Variants in IFT172 observed in about 807,000 individuals in gnomAD.
IFT172 encodes intraflagellar transport 172, also known as intraflagellar transport protein 172 homolog.
Under a neutral mutation model 248.9 loss-of-function variants are expected in IFT172, and 164 were observed. The observed-to-expected ratio is 0.66, with a 90% CI of 0.58 to 0.75. IFT172 has a LOEUF of 0.75. Among genes scored for constraint, IFT172 ranks in the 30% least tolerant of loss-of-function variants. The pLI is 0.00. For synonymous variants in IFT172, 729 were observed against 791.6 expected (o/e 0.92, Z 1.33); for missense variants, 1,950 against 2,192.4 (o/e 0.89, Z 2.21).
chr2:27,447,377 G>C, intron 42 of IFT172, 138 bp downstream of exon 42: 3 of 1,309,884 alleles, frequency 2.3e-6, no homozygotes, highest in Non-Finnish European at 2.1e-6. Flanking sequence ...GATTTGTTTA[G>C]ACAGAAGAGA....
At position 27,463,109 on chromosome 2, in the gene IFT172, T is replaced by C. The variant is rs369998345; in HGVS notation, c.2010A>G (p.Val670=). 1.9e-6 allele frequency: 3 copies of C among 1,614,028 alleles called. No homozygotes were observed. Among genetic ancestry groups the C allele is most frequent in the Admixed American group, 1.7e-5 (1 of 60,022 alleles). ...LHETNEIADQ[V]SREYGGEGTD... ...GCATAATACTTGCATATTCCCGGGA[T>C]ACTTGATCTGCAATCTCATTGGTCT... Residue 670 remains valine (V), a synonymous_variant, in exon 19 of 48, where the codon GTA becomes GTG. Transcript: ENST00000260570.
At chr2:27,463,070 A>AGAAT (rs1666803263) in intron 19 of IFT172, 27 bp downstream of exon 19, 1 of 1,607,286 alleles carries the variant, frequency 6.2e-7, no homozygotes, top group African/African-American at 1.3e-5. Context: ...GGAGACAGAC[A>AGAAT]GAATGAATCA....
chr2:27,455,298 C>T (rs779406283), intron 30 of IFT172: 71 of 328,854 alleles, frequency 2.2e-4, no homozygotes, highest in Non-Finnish European at 3.9e-4. Context: ...GGTAAATTGG[C>T]GATTTTGAAA....
chr2:27,447,616 A>G lies in IFT172; in HGVS notation c.4558T>C (p.Ser1520Pro). 1 of 1,614,110 alleles carries G rather than the reference A, an allele frequency of 6.2e-7. No individual in the cohort carries two copies. ...TGGGCTGGAGAGTTTGCCTCACTGGACTTCACCAGGTTTTCACACTAGAGG... is the reference window on the plus strand; with the variant it reads ...TGGGCTGGAGAGTTTGCCTCACTGGGCTTCACCAGGTTTTCACACTAGAGG... ...LFNLCENLVK[S>P]SEANSPAHEE... Residue 1520 changes from serine (S) to proline (P), a missense_variant, in exon 42 of 48, where the codon TCC becomes CCC. By Grantham distance (74) the Ser-to-Pro change is moderately conservative. Coordinates refer to ENST00000260570, the MANE Select transcript of IFT172 (RefSeq NM_015662.3).
At chr2:27,461,604 G>A in intron 21 of IFT172, 87 bp from the exon 22 acceptor site, 1 of 1,540,422 alleles carries the variant, frequency 6.5e-7, no homozygotes, top group South Asian at 1.2e-5. Flanking sequence ...CTATAACAAG[G>A]GGAATCCTCC....
chr2:27,473,798 CT>C (rs902652066), intron 14 of IFT172, among the ~76,000 whole-genome samples: 15 of 151,918 alleles, frequency 9.9e-5, no homozygotes, highest in Admixed American at 6.6e-4. Context: ...AAGAGAAGAA[CT>C]TTTTTATTTT....
chr2:27,485,315 C>T (rs529798389), intron 2 of IFT172, 45 bp downstream of exon 2: 7 of 1,610,934 alleles, frequency 4.3e-6, no homozygotes, highest in Non-Finnish European at 5.9e-6. Context: ...AGTTGTGAGA[C>T]CCCATCAATA....
Position 27,472,273 on chromosome 2 carries a change from G to A in IFT172, c.1501C>T (p.Leu501Phe). The change falls in exon 15 of 48, where the codon CTC becomes TTC. Residue 501 changes from leucine (L) to phenylalanine (F), a missense_variant. Coordinates refer to ENST00000260570, the MANE Select transcript of IFT172 (RefSeq NM_015662.3). Reference protein sequence around the residue: ...LELNETGHKLLFRDRKLRLHL... With the variant: ...LELNETGHKLFFRDRKLRLHL... ...ACACGAAGTTTCCGGTCCCTGAAGA[G>A]GAGCTTGTGTCCAGTCTCATTAAGT... The A allele has an allele frequency of 6.2e-7, 1 of 1,614,020 alleles. No homozygotes were observed. The highest frequency in any genetic ancestry group is 8.5e-7 in the Non-Finnish European group (1 of 1,179,884).
rs759780806 is a variant in IFT172 at position 27,465,458 on chromosome 2, G to A, written c.1890C>T (p.Thr630=). 3 of 1,614,094 alleles carry A rather than the reference G, an allele frequency of 1.9e-6. No individual in the cohort carries two copies. In the Admixed American group the frequency reaches 5.0e-5, roughly 27 times the overall value. The change falls in exon 18 of 48, where the codon ACC becomes ACT. Residue 630 remains threonine (T), a synonymous_variant. Transcript: ENST00000260570. ...MTPETEAMWK[T]LSKLALEARQ... ...TTGCCTCTAGTGCCAGTTTACTCAA[G>A]GTTTTCCACATTGCCTCTGTTTCTG...
At position 27,477,206 on chromosome 2, in the gene IFT172, T is replaced by C. The variant is rs767955758; in HGVS notation, c.1325+11A>G. 6.2e-6 allele frequency: 10 copies of C among 1,604,840 alleles called. No individual in the cohort carries two copies. In the African/African-American group the frequency reaches 9.4e-5, roughly 15 times the overall value. ...TGGGTTTCAGGGATTCAGAGAATCT[T>C]GTGAGGTTACCTGATGAGGTGGGGG... is the stretch of plus-strand genomic sequence containing the variant. On this transcript the variant is annotated intron_variant, in intron 13 of 47. Coordinates refer to ENST00000260570, the MANE Select transcript of IFT172 (RefSeq NM_015662.3).
chr2:27,450,233 C>T, intron 35 of IFT172, 137 bp from the exon 36 acceptor site: 2 of 631,024 alleles, frequency 3.2e-6, no homozygotes, highest in Non-Finnish European at 5.6e-6. Flanking sequence ...TTGCACCCTC[C>T]TGGGCAAAAC....
At position 27,459,861 on chromosome 2, in the gene IFT172, A is replaced by G. The variant is rs558851327; in HGVS notation, c.2522-32T>C. 3.1e-6 allele frequency: 5 copies of G among 1,605,242 alleles called. No homozygotes were observed. In the African/African-American group the frequency reaches 5.3e-5, roughly 17 times the overall value. On this transcript the variant is annotated intron_variant, in intron 23 of 47. Transcript: ENST00000260570. ...GGGAGAGAAAAGATGCTCAGCCCAG[A>G]TTTCCAGGGATGGGCCTCAGGAAAA...
chr2:27,459,319 T>C, intron 25 of IFT172, 59 bp downstream of exon 25: 1 of 1,578,682 alleles, frequency 6.3e-7, no homozygotes, highest in Non-Finnish European at 8.6e-7. Context: ...TGCTTTGGGT[T>C]CTCTCATTGT....
intron 42 of IFT172, chr2:27,446,607 G>A (rs900502819): frequency 4.1e-5 from 14 of 343,360 alleles, no homozygotes; most frequent in Admixed American, 1.3e-4. Flanking sequence ...TCTGCCTCCC[G>A]GATTCAAGTA....
intron 27 of IFT172, 38 bp from the exon 28 acceptor site, chr2:27,458,014 A>G: frequency 6.2e-7 from 1 of 1,613,816 alleles, no homozygotes; most frequent in Non-Finnish European, 8.5e-7. Flanking sequence ...CCTAGACCCG[A>G]CCCCTGCTAT....
chr2:27,464,866 C>T lies in IFT172; in HGVS notation c.1937+545G>A, dbSNP rs994749233. 7.2e-5 allele frequency among the ~76,000 whole-genome samples: 11 copies of T among 151,958 alleles called. No homozygotes were observed. The East Asian group carries it at 2.1e-3, about 29-fold the overall frequency. ...CTCCTGGCTTCAAGTGATCTGCCCA[C>T]CTCGCCCTCCCAAAGTGCTAGGATT... On this transcript the variant is annotated intron_variant, in intron 18 of 47. Transcript: ENST00000260570.
chr2:27,477,673 A>ATCT, intron 11 of IFT172, 61 bp from the exon 12 acceptor site: 2 of 1,149,940 alleles, frequency 1.7e-6, no homozygotes. Context: ...TGCCGAAAGA[A>ATCT]TGAAGAATGA....
At chr2:27,477,973 T>C (rs756064595) in intron 11 of IFT172, 22 bp downstream of exon 11, 3 of 1,613,638 alleles carry the variant, frequency 1.9e-6, no homozygotes, top group Non-Finnish European at 2.5e-6. Flanking sequence ...TTCCCCACCC[T>C]ACCCTCAATT....
chr2:27,485,225 A>T, intron 2 of IFT172, 95 bp from the exon 3 acceptor site: 2 of 1,466,748 alleles, frequency 1.4e-6, no homozygotes, highest in South Asian at 2.4e-5. Context: ...CTCCTAAGGG[A>T]GCTTGAGGAT....
Sources: gnomAD v4.1 joint callset for allele counts (sites outside exome capture counted in the v4.1 genomes callset) on GRCh38, gnomAD v4.1.1 for gene constraint, MANE v1.5 for transcripts, NCBI Gene and HGNC (gene_info 2026-07-23, HGNC 2026-07-21) for gene names.